Variants in TGFA observed in about 807,000 individuals in gnomAD.
TGFA encodes the protein transforming growth factor alpha, also known as protransforming growth factor alpha.
TGFA carries 12 observed loss-of-function variants against 21.7 expected under a neutral mutation model. The ratio of observed to expected loss-of-function variants is 0.55; its 90% CI spans 0.35 to 0.90. The LOEUF (loss-of-function observed/expected upper bound fraction) is 0.90. Among genes scored for constraint, TGFA ranks in the 40% least tolerant of loss-of-function variants. TGFA has a pLI of 0.01. For synonymous variants in TGFA, 79 were observed against 88.1 expected (o/e 0.90, Z 0.58); for missense variants, 178 against 210.8 (o/e 0.84, Z 0.96).
intron 2 of TGFA, among the ~76,000 whole-genome samples, chr2:70,498,094 T>C (rs569397178): frequency 1.3e-5 from 2 of 152,314 alleles, no homozygotes; most frequent in African/African-American, 4.8e-5. Flanking sequence ...TGTTTGTAAA[T>C]CATTTGGTGA....
At chr2:70,475,207 A>G (rs1308287266) in intron 2 of TGFA, among the ~76,000 whole-genome samples, 1 of 152,224 alleles carries the variant, frequency 6.6e-6, no homozygotes, top group Non-Finnish European at 1.5e-5. Flanking sequence ...AACCCAATGT[A>G]GAATTTTCTG....
rs1321090826 is a variant in TGFA at position 70,476,105 on chromosome 2, AAAT to A, written c.95-10372_95-10370del. ...CAAAAAAAAAAAAAAAAAAAAAAAA[AAAT>A]TAAGAAAATTACAGGTCACGATTTT... On this transcript the variant is annotated intron_variant, in intron 2 of 5. Transcript: ENST00000295400. Among the ~76,000 whole-genome samples, 44 of 150,626 alleles carry A rather than the reference AAAT, an allele frequency of 2.9e-4. 2 individuals are homozygous for A. Among genetic ancestry groups the A allele is most frequent in the Admixed American group, 2.6e-3 (39 of 15,040 alleles).
At chr2:70,453,116 C>T (rs1553489922) in intron 5 of TGFA, 102 bp downstream of exon 5, 3 of 1,057,004 alleles carry the variant, frequency 2.8e-6, no homozygotes, top group Non-Finnish European at 4.3e-6. Context: ...TCCTTTTCTC[C>T]TCTCTTCCTG....
intron 1 of TGFA, among the ~76,000 whole-genome samples, chr2:70,549,281 G>C (rs1673412833): frequency 1.3e-5 from 2 of 152,190 alleles, no homozygotes; most frequent in African/African-American, 4.8e-5. Flanking sequence ...TTTAATAGTA[G>C]CTTGTAAATT....
At chr2:70,495,083 T>G (rs1404755355) in intron 2 of TGFA, among the ~76,000 whole-genome samples, 1 of 152,262 alleles carries the variant, frequency 6.6e-6, no homozygotes, top group Non-Finnish European at 1.5e-5. Flanking sequence ...AAAAAGTATT[T>G]CAATCACCTA....
chr2:70,481,507 C>T (rs1671119060), intron 2 of TGFA, among the ~76,000 whole-genome samples: 1 of 152,170 alleles, frequency 6.6e-6, no homozygotes, highest in Non-Finnish European at 1.5e-5. Context: ...CTATAGTCAG[C>T]CACCAAACCT....
At chr2:70,532,214 A>G (rs1412159498) in intron 1 of TGFA, among the ~76,000 whole-genome samples, 1 of 152,240 alleles carries the variant, frequency 6.6e-6, no homozygotes, top group Non-Finnish European at 1.5e-5. Flanking sequence ...CGACGAAACC[A>G]TTTATGGGAG....
At chr2:70,457,247 C>T (rs868987009) in intron 3 of TGFA, among the ~76,000 whole-genome samples, 4 of 152,204 alleles carry the variant, frequency 2.6e-5, no homozygotes, top group Admixed American at 6.5e-5. Flanking sequence ...CAGGGGAGGG[C>T]GAGTCATTCA....
At chr2:70,512,470 G>A (rs959567311) in intron 2 of TGFA, among the ~76,000 whole-genome samples, 3 of 152,182 alleles carry the variant, frequency 2.0e-5, no homozygotes, top group African/African-American at 7.2e-5. Flanking sequence ...GCCCCCGAGT[G>A]GCACTGAGCT....
chr2:70,522,230 G>A (rs1672495199), intron 1 of TGFA, among the ~76,000 whole-genome samples: 1 of 152,164 alleles, frequency 6.6e-6, no homozygotes, highest in African/African-American at 2.4e-5. Context: ...TGAAAACAGA[G>A]TTAAAGTCTC....
rs550909693 is a variant in TGFA at position 70,462,017 on chromosome 2, C to T, written c.215+3599G>A. On this transcript the variant is annotated intron_variant, in intron 3 of 5. Coordinates refer to ENST00000295400, the MANE Select transcript of TGFA (RefSeq NM_003236.4). ...TATGGAGGATGGAGTTTAAGACTTA[C>T]GATATTTTAGAAAGTGCTCCCTCTC... is the stretch of plus-strand genomic sequence containing the variant. Among the ~76,000 whole-genome samples the T allele has an allele frequency of 7.2e-5, 11 of 152,208 alleles. 1 individual carries two copies. In the East Asian group the frequency reaches 7.7e-4, roughly 11 times the overall value.
intron 2 of TGFA, among the ~76,000 whole-genome samples, chr2:70,509,021 G>C (rs1359817839): frequency 1.3e-5 from 2 of 152,236 alleles, no homozygotes; most frequent in African/African-American, 4.8e-5. Flanking sequence ...ATCTTGGAGA[G>C]GAAAGGAAGA....
chr2:70,474,307 TCA>T (rs1256858624), intron 2 of TGFA, among the ~76,000 whole-genome samples: 3 of 152,236 alleles, frequency 2.0e-5, no homozygotes, highest in African/African-American at 4.8e-5. Flanking sequence ...AAATTTGATC[TCA>T]GTTTTCTCTG....
chr2:70,522,967 A>G (rs1553502526), intron 1 of TGFA, among the ~76,000 whole-genome samples: 1 of 152,222 alleles, frequency 6.6e-6, no homozygotes, highest in African/African-American at 2.4e-5. Flanking sequence ...ACTCCATTAT[A>G]AATAGCTGTA....
chr2:70,491,393 A>T (rs1553497610), intron 2 of TGFA, among the ~76,000 whole-genome samples: 1 of 152,152 alleles, frequency 6.6e-6, no homozygotes, highest in East Asian at 1.9e-4. Flanking sequence ...ACCCAAACCA[A>T]AGTTTTCAGC....
intron 2 of TGFA, among the ~76,000 whole-genome samples, chr2:70,475,256 C>A (rs1159687886): frequency 1.3e-5 from 2 of 152,150 alleles, no homozygotes; most frequent in African/African-American, 4.8e-5. Context: ...TTATTAGGAG[C>A]AGCTACTATT....
chr2:70,486,291 A>G (rs1671268997), intron 2 of TGFA, among the ~76,000 whole-genome samples: 1 of 152,210 alleles, frequency 6.6e-6, no homozygotes, highest in Non-Finnish European at 1.5e-5. Context: ...GAACAAAGGC[A>G]GGATATTTTG....
chr2:70,527,259 T>G (rs1186999409), intron 1 of TGFA, among the ~76,000 whole-genome samples: 2 of 152,260 alleles, frequency 1.3e-5, no homozygotes, highest in Non-Finnish European at 2.9e-5. Flanking sequence ...AATGGGATAT[T>G]ATACAGCAAT....
intron 2 of TGFA, among the ~76,000 whole-genome samples, chr2:70,507,812 C>T (rs551330013): frequency 8.5e-4 from 130 of 152,312 alleles, no homozygotes; most frequent in Middle Eastern, 3.4e-3. Context: ...CCACTTAAAC[C>T]AAGGCCCTGA....
Sources: gnomAD v4.1 joint callset for allele counts (sites outside exome capture counted in the v4.1 genomes callset) on GRCh38, gnomAD v4.1.1 for gene constraint, MANE v1.5 for transcripts, NCBI Gene and HGNC (gene_info 2026-07-23, HGNC 2026-07-21) for gene names.